Variants in SCAI observed in about 807,000 individuals in gnomAD.
The protein encoded by SCAI is suppressor of cancer cell invasion, also known as protein SCAI.
A neutral mutation model predicts 92.2 loss-of-function variants in SCAI; 24 were observed. That is an observed-to-expected ratio of 0.26 (90% CI 0.19 to 0.37). SCAI has a LOEUF of 0.37. Ranked by LOEUF, SCAI falls within the 10% of genes least tolerant of loss-of-function variation. The pLI is 1.00. For missense variants in SCAI, 450 were observed against 736.2 expected, an observed-to-expected ratio of 0.61 and a Z score of 4.50; for synonymous variants, 261 against 258.6, an observed-to-expected ratio of 1.01 and a Z score of -0.09.
intron 2 of SCAI, among the ~76,000 whole-genome samples, chr9:125,068,708 G>T (rs1305312258): frequency 6.6e-6 from 1 of 151,912 alleles, no homozygotes; most frequent in East Asian, 1.9e-4. Flanking sequence ...ATTTACACTT[G>T]GCTTGCTTAC....
At chr9:125,077,386 T>A (rs901606140) in intron 2 of SCAI, among the ~76,000 whole-genome samples, 1 of 152,252 alleles carries the variant, frequency 6.6e-6, no homozygotes, top group Non-Finnish European at 1.5e-5. Context: ...ACTTTTTGGC[T>A]ACTATGAATA....
chr9:125,131,264 C>T (rs1835394839), intron 2 of SCAI, among the ~76,000 whole-genome samples: 1 of 151,610 alleles, frequency 6.6e-6, no homozygotes, highest in Non-Finnish European at 1.5e-5. Flanking sequence ...AAAAATTAGC[C>T]AGGCATGATG....
intron 9 of SCAI, among the ~76,000 whole-genome samples, chr9:125,016,883 C>T (rs1027628268): frequency 6.6e-6 from 1 of 152,120 alleles, no homozygotes; most frequent in Non-Finnish European, 1.5e-5. Context: ...AAATTAAGGA[C>T]TTCTGTTCAC....
At chr9:125,006,680 T>C (rs1367875242) in intron 9 of SCAI, among the ~76,000 whole-genome samples, 1 of 152,070 alleles carries the variant, frequency 6.6e-6, no homozygotes, top group Non-Finnish European at 1.5e-5. Context: ...TTAGTAGAGA[T>C]GGGGTTTCAC....
intron 17 of SCAI, among the ~76,000 whole-genome samples, chr9:124,958,514 TA>T (rs1831365506): frequency 6.6e-6 from 1 of 152,142 alleles, no homozygotes; most frequent in Non-Finnish European, 1.5e-5. Flanking sequence ...ATATGCATAT[TA>T]AAAAACTTTA....
In SCAI at chr9:125,011,959, T is replaced by C. The variant is rs572192186; in HGVS notation, c.861+6840A>G. Among the ~76,000 whole-genome samples, 15 of 152,238 alleles carry C rather than the reference T, an allele frequency of 9.9e-5. 1 individual carries two copies. Among genetic ancestry groups the C allele is most frequent in the African/African-American group, 3.6e-4 (15 of 41,544 alleles). On this transcript the variant is annotated intron_variant, in intron 9 of 17. Coordinates refer to ENST00000336505, the MANE Select transcript of SCAI (RefSeq NM_001144877.3). Reference sequence around the variant, plus strand: ...CTTGATAAGTGAAGGAGAAATAAAATACTTCACAGACAAGCAAATGCTGAG... The same window carrying C: ...CTTGATAAGTGAAGGAGAAATAAAACACTTCACAGACAAGCAAATGCTGAG...
At chr9:125,105,555 G>T (rs1834758680) in intron 2 of SCAI, among the ~76,000 whole-genome samples, 1 of 152,098 alleles carries the variant, frequency 6.6e-6, no homozygotes, top group African/African-American at 2.4e-5. Context: ...AGTCCTTCAG[G>T]TTCCAAATCT....
chr9:125,121,291 C>T (rs943514770), intron 2 of SCAI, among the ~76,000 whole-genome samples: 3 of 147,890 alleles, frequency 2.0e-5, no homozygotes, highest in Non-Finnish European at 3.0e-5. Context: ...AGATGACATA[C>T]GAGATGCTGG....
chr9:125,078,080 A>G (rs1467229566), intron 2 of SCAI, among the ~76,000 whole-genome samples: 1 of 151,958 alleles, frequency 6.6e-6, no homozygotes, highest in East Asian at 1.9e-4. Context: ...TTCATTACAC[A>G]TTCTAGATAA....
chr9:124,970,028 A>G (rs1035623719), intron 17 of SCAI, among the ~76,000 whole-genome samples: 1 of 151,870 alleles, frequency 6.6e-6, no homozygotes, highest in African/African-American at 2.4e-5. Flanking sequence ...TAATTTTTGT[A>G]TTTTTAGTAG....
intron 13 of SCAI, among the ~76,000 whole-genome samples, chr9:124,997,449 G>A (rs917661692): frequency 1.3e-5 from 2 of 152,008 alleles, no homozygotes; most frequent in African/African-American, 2.4e-5. Flanking sequence ...TTCAGATAAG[G>A]GATATTCAAT....
At chr9:125,131,389 C>G (rs1835397624) in intron 2 of SCAI, among the ~76,000 whole-genome samples, 1 of 137,954 alleles carries the variant, frequency 7.2e-6, no homozygotes, top group Non-Finnish European at 1.5e-5. Flanking sequence ...GCCTGGGCAA[C>G]AGAGCAAGAC....
intron 2 of SCAI, among the ~76,000 whole-genome samples, chr9:125,060,326 A>G (rs1833747790): frequency 6.6e-6 from 1 of 152,122 alleles, no homozygotes; most frequent in African/African-American, 2.4e-5. Context: ...ATGGCCACAT[A>G]AAGATGGCAT....
intron 17 of SCAI, among the ~76,000 whole-genome samples, chr9:124,970,521 C>A (rs997181009): frequency 2.0e-5 from 3 of 151,914 alleles, no homozygotes; most frequent in African/African-American, 7.2e-5. Flanking sequence ...GAGATCGAGA[C>A]CAGCCTGGCC....
chr9:125,014,340 T>C (rs1051848664), intron 9 of SCAI, among the ~76,000 whole-genome samples: 10 of 152,064 alleles, frequency 6.6e-5, no homozygotes, highest in Non-Finnish European at 1.5e-4. Context: ...AGTCTCAGGA[T>C]ACAAAAATCA....
intron 2 of SCAI, among the ~76,000 whole-genome samples, chr9:125,083,883 A>T (rs1005728406): frequency 6.6e-6 from 1 of 152,158 alleles, no homozygotes; most frequent in Admixed American, 6.5e-5. Context: ...CTATGAAAAA[A>T]GTACAGCAGG....
intron 2 of SCAI, among the ~76,000 whole-genome samples, chr9:125,106,185 T>A (rs1332842230): frequency 3.1e-5 from 4 of 127,124 alleles, no homozygotes; most frequent in African/African-American, 1.1e-4. Context: ...AATAAGATCT[T>A]ATAAAGTTTC....
At chr9:124,976,817 C>A (rs1440180303) in intron 14 of SCAI, among the ~76,000 whole-genome samples, 1 of 151,252 alleles carries the variant, frequency 6.6e-6, no homozygotes, top group Non-Finnish European at 1.5e-5. Flanking sequence ...AATCAAACAA[C>A]AAAAACATTT....
At chr9:125,089,991 C>T (rs1049893598) in intron 2 of SCAI, among the ~76,000 whole-genome samples, 1 of 152,068 alleles carries the variant, frequency 6.6e-6, no homozygotes, top group South Asian at 2.1e-4. Flanking sequence ...TGAGGTGAAA[C>T]CTAGATCATG....
Sources: allele counts gnomAD v4.1 joint callset (sites outside exome capture counted in the v4.1 genomes callset), GRCh38; gene constraint gnomAD v4.1.1; transcripts MANE v1.5; gene names NCBI Gene and HGNC (gene_info 2026-07-23, HGNC 2026-07-21).